Variants in CSNK1G2 observed in about 807,000 individuals in gnomAD.
CSNK1G2 encodes casein kinase 1 gamma 2.
In CSNK1G2, 11 loss-of-function variants were observed where a neutral mutation model predicts 48.0. The ratio of observed to expected loss-of-function variants is 0.23; its 90% CI spans 0.14 to 0.38. CSNK1G2 has a LOEUF of 0.38. Ranked by LOEUF, CSNK1G2 falls within the 10% of genes least tolerant of loss-of-function variation. The pLI is 1.00. For missense variants in CSNK1G2, 446 were observed against 595.5 expected (o/e 0.75, Z 2.61); for synonymous variants, 337 against 254.1 (o/e 1.33, Z -3.10).
At chr19:1,943,930 G>A (rs906362219) in intron 1 of CSNK1G2, among the ~76,000 whole-genome samples, 7 of 152,220 alleles carry the variant, frequency 4.6e-5, no homozygotes, top group African/African-American at 1.4e-4. Flanking sequence ...TGTTGGGGCC[G>A]AGTGCCGGGC....
intron 1 of CSNK1G2, among the ~76,000 whole-genome samples, chr19:1,947,718 G>A (rs1266914810): frequency 6.6e-6 from 1 of 152,254 alleles, no homozygotes; most frequent in Non-Finnish European, 1.5e-5. Flanking sequence ...CTGGGACAGG[G>A]CTTGCGACCG....
At chr19:1,973,628 C>A (rs1415300196) in intron 2 of CSNK1G2, among the ~76,000 whole-genome samples, 4 of 152,322 alleles carry the variant, frequency 2.6e-5, no homozygotes, top group Middle Eastern at 3.4e-3. Context: ...TCAGGCTGTG[C>A]GGCTGCTGCT....
chr19:1,978,548 AG>A lies in CSNK1G2; in HGVS notation c.298+41del. ...CCCGCGGGTGGGGCGGGGGCTGCGC[AG>A]GGGCAGGGAGGGGGCTGCCGCCGCA... On this transcript the variant is annotated intron_variant, in intron 4 of 11. Transcript: ENST00000255641. This position sits in a 1 kb window ranked among gnomAD's most constrained non-coding sequence, Gnocchi z 7.3. 1.6e-5 allele frequency: 25 copies of A among 1,565,802 alleles called. No homozygotes were observed. The highest frequency in any genetic ancestry group is 2.2e-5 in the Non-Finnish European group (25 of 1,156,476).
chr19:1,955,062 C>T (rs989412932), intron 1 of CSNK1G2, among the ~76,000 whole-genome samples: 2 of 152,178 alleles, frequency 1.3e-5, no homozygotes, highest in Non-Finnish European at 2.9e-5. Flanking sequence ...TTCCCTTGGG[C>T]ACCCCCTGGG....
chr19:1,953,530 T>A (rs753191036), intron 1 of CSNK1G2: 3 of 527,328 alleles, frequency 5.7e-6, no homozygotes, highest in South Asian at 4.3e-5. Context: ...AAATTGCCCC[T>A]ATGTGGACTA....
intron 2 of CSNK1G2, among the ~76,000 whole-genome samples, chr19:1,970,489 C>T (rs2015529997): frequency 6.6e-6 from 1 of 152,226 alleles, no homozygotes; most frequent in African/African-American, 2.4e-5. Context: ...ACCAACCTCT[C>T]CCGGGTCGGG....
Position 1,979,215 on chromosome 19 carries a change from C to A in CSNK1G2, c.735C>A (p.Phe245Leu). ...CGCTGGGCCACATGTTCATGTACTT[C>A]CTGCGCGGCAGCCTCCCCTGGCAGG... is the stretch of plus-strand genomic sequence containing the variant. ...LEALGHMFMY[F>L]LRGSLPWQGL... Residue 245 changes from phenylalanine to leucine, a missense_variant, in exon 7 of 12, where the codon TTC becomes TTA. By Grantham distance (22) the Phe-to-Leu change is conservative. Transcript: ENST00000255641. The A allele has an allele frequency of 6.5e-7, 1 of 1,548,478 alleles. No homozygotes were observed. Among genetic ancestry groups the A allele is most frequent in the East Asian group, 2.4e-5 (1 of 41,186 alleles).
intron 1 of CSNK1G2, among the ~76,000 whole-genome samples, chr19:1,960,217 C>T (rs1167361257): frequency 6.6e-6 from 1 of 152,220 alleles, no homozygotes; most frequent in African/African-American, 2.4e-5. Flanking sequence ...GGACCTGGGG[C>T]CTTCTCGCCC....
At chr19:1,956,905 G>A (rs1037824487) in intron 1 of CSNK1G2, among the ~76,000 whole-genome samples, 1 of 152,194 alleles carries the variant, frequency 6.6e-6, no homozygotes, top group Non-Finnish European at 1.5e-5. Context: ...CGGTTGATGG[G>A]TTAATTCAGT....
chr19:1,960,597 C>T (rs2015166091), intron 1 of CSNK1G2, among the ~76,000 whole-genome samples: 1 of 152,158 alleles, frequency 6.6e-6, no homozygotes, highest in Non-Finnish European at 1.5e-5. Flanking sequence ...GCTGGAAAAT[C>T]TAATAGTAGT....
At chr19:1,953,159 A>G (rs1599290599) in intron 1 of CSNK1G2, 4 of 367,632 alleles carry the variant, frequency 1.1e-5, no homozygotes, top group Non-Finnish European at 2.1e-5. Context: ...CGCCCCCGGG[A>G]CCTGCCGTGG....
At chr19:1,953,359 T>C (rs1350543487) in intron 1 of CSNK1G2, 1 of 533,012 alleles carries the variant, frequency 1.9e-6, no homozygotes, top group Non-Finnish European at 3.8e-6. Context: ...CTGTGCGCCA[T>C]GGGGGCCTGG....
rs980133709 is a variant in CSNK1G2, at chr19:1,978,253, C to G, written c.188-52C>G. ...TGCCTCGGGGGTGGGCTGGGGAGGT[C>G]GGGGCTAGGTGGGCCCTGCGCTGGC... On this transcript the variant is annotated intron_variant, in intron 2 of 11. Coordinates refer to ENST00000255641, the MANE Select transcript of CSNK1G2 (RefSeq NM_001319.7). The surrounding 1 kb of genome is among the most constrained non-coding windows in gnomAD (Gnocchi z 7.3). 2.5e-6 allele frequency: 4 copies of G among 1,599,652 alleles called. No individual in the cohort carries two copies. The highest frequency in any genetic ancestry group is 3.4e-6 in the Non-Finnish European group (4 of 1,170,034).
chr19:1,943,508 T>A (rs1599274423), intron 1 of CSNK1G2, among the ~76,000 whole-genome samples: 1 of 152,158 alleles, frequency 6.6e-6, no homozygotes. Flanking sequence ...TAGGCGAGGG[T>A]TTTTTTAATT....
rs567271207 is a variant in CSNK1G2 at position 1,970,033 on chromosome 19, G to A, written c.187+74G>A. 2.4e-6 allele frequency: 3 copies of A among 1,227,918 alleles called. No individual in the cohort carries two copies. In the African/African-American group the frequency reaches 4.6e-5, roughly 19 times the overall value. The allele number at this position is 1,227,918 out of a possible 1,614,324, so 76.1% of individuals were successfully genotyped here. A position where few individuals can be genotyped will look rare whatever the true frequency, so the allele number is the denominator to read the frequency against. ...CCGCCCCGAGTCACCGGAGCCTCTG[G>A]TGGGGCCGCCCGGGGTCACTGGAGC... On this transcript the variant is annotated intron_variant, in intron 2 of 11. Coordinates refer to ENST00000255641, the MANE Select transcript of CSNK1G2 (RefSeq NM_001319.7).
intron 1 of CSNK1G2, among the ~76,000 whole-genome samples, chr19:1,958,242 C>T (rs1289128843): frequency 6.6e-6 from 1 of 152,078 alleles, no homozygotes; most frequent in Non-Finnish European, 1.5e-5. Flanking sequence ...GCACGGCTTC[C>T]TTCTCGGTGG....
intron 1 of CSNK1G2, among the ~76,000 whole-genome samples, chr19:1,956,865 G>A (rs949552232): frequency 4.5e-4 from 68 of 152,210 alleles, no homozygotes; most frequent in African/African-American, 1.6e-3. Context: ...CGGAATTTAG[G>A]GCTCAGCCTC....
At chr19:1,968,579 G>C (rs1180124553) in intron 1 of CSNK1G2, among the ~76,000 whole-genome samples, 5 of 152,202 alleles carry the variant, frequency 3.3e-5, no homozygotes, top group Non-Finnish European at 7.3e-5. Context: ...CTCAGCTCTG[G>C]GCTCGGGAGC....
chr19:1,947,274 C>T (rs1396139315), intron 1 of CSNK1G2, among the ~76,000 whole-genome samples: 1 of 152,244 alleles, frequency 6.6e-6, no homozygotes, highest in South Asian at 2.1e-4. Flanking sequence ...GGCCAGTCCT[C>T]TCGCCTTGGC....
Sources: gnomAD v4.1 joint callset for allele counts (sites outside exome capture counted in the v4.1 genomes callset) on GRCh38, gnomAD v4.1.1 for gene constraint, Gnocchi (gnomAD v3.1) non-coding constraint, MANE v1.5 for transcripts, NCBI Gene and HGNC (gene_info 2026-07-23, HGNC 2026-07-21) for gene names.